NUP160: variants seen among roughly 807,000 people sequenced by gnomAD.
The protein encoded by NUP160 is nuclear pore complex protein Nup160.
NUP160 carries 94 observed loss-of-function variants against 196.9 expected under a neutral mutation model. The ratio of observed to expected loss-of-function variants is 0.48; its 90% confidence interval spans 0.40 to 0.57. The LOEUF (loss-of-function observed/expected upper bound fraction) is 0.57. NUP160 is among the 20% of genes least tolerant of loss of function. The probability of loss-of-function intolerance (pLI) is 0.00; values close to 1 mark genes in which losing one functional copy is unlikely to be tolerated. For synonymous variants in NUP160, 605 were observed against 619.7 expected, an observed-to-expected ratio of 0.98 and a Z score of 0.35; for missense variants, 1,638 against 1,748.3, an observed-to-expected ratio of 0.94 and a Z score of 1.13.
chr11:47,845,889 T>C (rs1277630498), intron 2 of NUP160, among the ~76,000 whole-genome samples: 1 of 151,972 alleles, frequency 6.6e-6, no homozygotes, highest in Non-Finnish European at 1.5e-5. Context: ...TCCTAGCAAG[T>C]TGGGAGGCCG....
chr11:47,824,611 A>AT (rs1599336512), intron 7 of NUP160, among the ~76,000 whole-genome samples: 1 of 152,070 alleles, frequency 6.6e-6, no homozygotes, highest in East Asian at 1.9e-4. Flanking sequence ...CTATCTCAAA[A>AT]AAAAATAAAA....
intron 4 of NUP160, among the ~76,000 whole-genome samples, chr11:47,839,219 G>A (rs2135401649): frequency 6.6e-6 from 1 of 152,192 alleles, no homozygotes; most frequent in East Asian, 2.0e-4. Flanking sequence ...AGCCTCCCGA[G>A]TAGCTGGGAT....
At chr11:47,793,388 C>T (rs1263182992) in intron 27 of NUP160, among the ~76,000 whole-genome samples, 1 of 152,040 alleles carries the variant, frequency 6.6e-6, no homozygotes, top group Admixed American at 6.6e-5. Flanking sequence ...TGCCCCCCCT[C>T]CCCAAAATCA....
In NUP160 at chr11:47,808,380, G is replaced by A; in HGVS notation, c.2375+16C>T. ...TCACAATTTACATTTTAAATAATTG[G>A]GATAATGAAACTCACAGTGTGTCAA... On this transcript the variant is annotated intron_variant, in intron 18 of 35. Coordinates refer to ENST00000378460, the Ensembl canonical transcript of NUP160. 1 of 1,597,922 alleles carries A rather than the reference G, an allele frequency of 6.3e-7. No homozygotes were observed. The highest frequency in any genetic ancestry group is 8.5e-7 in the Non-Finnish European group (1 of 1,170,446).
intron 7 of NUP160, among the ~76,000 whole-genome samples, chr11:47,833,180 G>A (rs1289248513): frequency 1.3e-5 from 2 of 152,116 alleles, no homozygotes; most frequent in East Asian, 1.9e-4. Flanking sequence ...TAGGCTGGGC[G>A]TGGTGGCTCA....
At chr11:47,812,567 C>T (rs2097681784) in intron 15 of NUP160, 138 bp from the exon 16 acceptor site, 3 of 853,488 alleles carry the variant, frequency 3.5e-6, no homozygotes, top group South Asian at 1.8e-5. Flanking sequence ...ATATAAGATA[C>T]AGTCCCTATG....
intron 22 of NUP160, among the ~76,000 whole-genome samples, chr11:47,803,173 A>AATG (rs1267504859): frequency 6.7e-6 from 1 of 148,856 alleles, no homozygotes; most frequent in African/African-American, 2.5e-5. Flanking sequence ...TAATAATAAT[A>AATG]ATAATAAAAG....
At chr11:47,819,306 C>CT in intron 10 of NUP160, 68 bp downstream of exon 10, 3 of 1,138,766 alleles carry the variant, frequency 2.6e-6, no homozygotes, top group Admixed American at 3.8e-5. Context: ...GAGCGAGACT[C>CT]TGTCTCAAAA....
rs112094216 is a variant in NUP160 at position 47,835,612 on chromosome 11, A to C, written c.1101+39T>G. On this transcript the variant is annotated intron_variant, in intron 7 of 35. Coordinates refer to ENST00000378460, the Ensembl canonical transcript of NUP160. ...TACAGCCATTTCTCCACATCAGTAC[A>C]CACAGAATAACTTGGTATGTGTCTT... is the stretch of plus-strand genomic sequence containing the variant. 2.1e-5 allele frequency: 32 copies of C among 1,505,408 alleles called. 1 individual carries two copies. The highest frequency in any genetic ancestry group is 3.5e-4 in the Middle Eastern group (2 of 5,652). The allele number at this position is 1,505,408 out of a possible 1,614,324, so 93.3% of individuals were successfully genotyped here.
At chr11:47,785,336 G>T (rs1385289930) in intron 32 of NUP160, among the ~76,000 whole-genome samples, 4 of 151,940 alleles carry the variant, frequency 2.6e-5, no homozygotes, top group African/African-American at 4.8e-5. Flanking sequence ...TTGCTATGTT[G>T]TCCACGCTGG....
rs1295735740 is a variant in NUP160 at position 47,818,143 on chromosome 11, A to G, written c.1363-19T>C. ...ACATCTCCTATTAGAACATTAAAAC[A>G]AAAGTTACTATTGTCCTAAACAAAA... On this transcript the variant is annotated intron_variant, in intron 10 of 35. Coordinates refer to ENST00000378460, the Ensembl canonical transcript of NUP160. The G allele has an allele frequency of 6.5e-7, 1 of 1,544,956 alleles. No homozygotes were observed.
chr11:47,783,211 A>G lies in NUP160; in HGVS notation c.3991-13T>C, dbSNP rs757593166. 6.2e-7 allele frequency: 1 copy of G among 1,612,180 alleles called. No individual in the cohort carries two copies. Among genetic ancestry groups the G allele is most frequent in the Admixed American group, 1.7e-5 (1 of 59,826 alleles). On this transcript the variant is annotated splice_polypyrimidine_tract_variant and intron_variant, in intron 33 of 35. Transcript: ENST00000378460. ...CAGCATCAACCTTCTGTGAAAAGTC[A>G]GTGATTAAGAATATGTACCTATTTC...
intron 31 of NUP160, 79 bp from the exon 32 acceptor site, chr11:47,786,633 T>C (rs868710847): frequency 2.6e-5 from 22 of 854,376 alleles, no homozygotes; most frequent in Non-Finnish European, 3.9e-5. Context: ...ACTAGAGAGA[T>C]AGATGACAAC....
intron 33 of NUP160, 70 bp downstream of exon 33, chr11:47,784,852 A>G (rs897916325): frequency 1.0e-5 from 12 of 1,192,886 alleles, no homozygotes; most frequent in Non-Finnish European, 1.1e-5. Context: ...CATATTTTTA[A>G]TCATCTCATG....
intron 2 of NUP160, among the ~76,000 whole-genome samples, chr11:47,842,450 G>A (rs781176432): frequency 1.3e-5 from 2 of 152,026 alleles, no homozygotes; most frequent in East Asian, 3.9e-4. Context: ...TGGATCTCCC[G>A]TGAGGACAGT....
chr11:47,799,574 C>T (rs1259766088), intron 23 of NUP160, among the ~76,000 whole-genome samples: 3 of 152,118 alleles, frequency 2.0e-5, no homozygotes, highest in African/African-American at 7.2e-5. Flanking sequence ...GAGACAGGGT[C>T]CTGCTCTGTT....
intron 17 of NUP160, among the ~76,000 whole-genome samples, chr11:47,809,618 C>T (rs992671706): frequency 1.1e-4 from 17 of 150,948 alleles, no homozygotes; most frequent in African/African-American, 3.9e-4. Context: ...TGTAGTGGTG[C>T]GCATCTGTAA....
At chr11:47,810,532 T>G (rs1056554858) in intron 17 of NUP160, among the ~76,000 whole-genome samples, 1 of 151,718 alleles carries the variant, frequency 6.6e-6, no homozygotes, top group Non-Finnish European at 1.5e-5. Flanking sequence ...TAGCGATGTA[T>G]CTGGGTTTAT....
At chr11:47,786,599 GT>G in intron 31 of NUP160, 45 bp from the exon 32 acceptor site, 1 of 1,172,782 alleles carries the variant, frequency 8.5e-7, no homozygotes, top group Non-Finnish European at 1.3e-6. Context: ...ACGCTGAAAC[GT>G]ACCACTTTAA....
Sources: gnomAD v4.1 joint callset for allele counts (sites outside exome capture counted in the v4.1 genomes callset) on GRCh38, gnomAD v4.1.1 for gene constraint, MANE v1.5 for transcripts, NCBI Gene and HGNC (gene_info 2026-07-23, HGNC 2026-07-21) for gene names.